TERT: variants seen among roughly 807,000 people sequenced by gnomAD.
The protein encoded by TERT is telomerase catalytic subunit.
In TERT, 42 loss-of-function variants were observed where a neutral mutation model predicts 104.0. The observed-to-expected ratio is 0.40, with a 90% confidence interval of 0.32 to 0.52. The LOEUF (loss-of-function observed/expected upper bound fraction) is 0.52, where lower values mean the gene tolerates loss of function less well. TERT is among the 20% of genes least tolerant of loss of function. The pLI is 0.43. For synonymous variants in TERT, 781 were observed against 725.6 expected (o/e 1.08, Z -1.23); for missense variants, 1,101 against 1,610.3 (o/e 0.68, Z 5.41).
chr5:1,283,924 C>A (rs1236963353), intron 2 of TERT, among the ~76,000 whole-genome samples: 4 of 150,210 alleles, frequency 2.7e-5, no homozygotes, highest in African/African-American at 9.8e-5. Context: ...CTGCAGCAAC[C>A]GGACACTGCA....
In TERT at chr5:1,280,323, C is replaced by T. The variant is rs765708956; in HGVS notation, c.1785G>A (p.Arg595=). Residue 595 remains arginine (R), a synonymous_variant, in exon 4 of 16, where the codon AGG becomes AGA. Transcript: ENST00000310581. ...CTTCCGACAGCTCCCGCAGCTGCAC[C>T]CTCTTCAAGTGCTGTCTGCAATAGA... ...QSIGIRQHLK[R]VQLRELSEAE... is the part of the protein sequence containing the mutation. 3.8e-5 allele frequency: 61 copies of T among 1,613,168 alleles called. No individual in the cohort carries two copies. In the East Asian group the frequency reaches 1.3e-3, roughly 35 times the overall value.
chr5:1,292,420 T>A lies in TERT; in HGVS notation c.1573+893A>T, dbSNP rs998449593. Among the ~76,000 whole-genome samples the A allele has an allele frequency of 1.3e-5, 2 of 152,202 alleles. No homozygotes were observed. Among genetic ancestry groups the A allele is most frequent in the African/African-American group, 4.8e-5 (2 of 41,450 alleles). On this transcript the variant is annotated intron_variant, in intron 2 of 15. Coordinates refer to ENST00000310581, the MANE Select transcript of TERT (RefSeq NM_198253.3). The surrounding 1 kb of genome is among the most constrained non-coding windows in gnomAD (Gnocchi z 5.5). ...AGCCATCTGCTGTCCTCTGCTCCCA[T>A]GTGGCCCTCTTCATACCTAAAGATG...
At chr5:1,272,415 G>T (rs1308720278) in intron 6 of TERT, 135 bp from the exon 7 acceptor site, 12 of 861,152 alleles carry the variant, frequency 1.4e-5, no homozygotes, top group Non-Finnish European at 2.3e-5. Flanking sequence ...GAGCGCCTGG[G>T]AAGCTTCTGT....
chr5:1,263,566 G>A lies in TERT; in HGVS notation c.2843+838C>T, dbSNP rs2126592453. On this transcript the variant is annotated intron_variant, in intron 11 of 15. Transcript: ENST00000310581. The surrounding 1 kb of genome is among the most constrained non-coding windows in gnomAD (Gnocchi z 5.3). Reference sequence around the variant, plus strand: ...CTACAGGCGTGTGCCACCAGGCCAGGCTAATTTTTGTATTTTTTAAGTAGA... The same window carrying A: ...CTACAGGCGTGTGCCACCAGGCCAGACTAATTTTTGTATTTTTTAAGTAGA... Among the ~76,000 whole-genome samples, 1 of 152,298 alleles carries A rather than the reference G, an allele frequency of 6.6e-6. No individual in the cohort carries two copies. The highest frequency in any genetic ancestry group is 2.4e-5 in the African/African-American group (1 of 41,566).
rs1165709007 is a variant in TERT, at chr5:1,288,873, A to C, written c.1573+4440T>G. Among the ~76,000 whole-genome samples, 2 of 152,158 alleles carry C rather than the reference A, an allele frequency of 1.3e-5. No individual in the cohort carries two copies. Among genetic ancestry groups the C allele is most frequent in the Non-Finnish European group, 2.9e-5 (2 of 68,012 alleles). Reference sequence around the variant, plus strand: ...GTGGCTGCAGTGCCTGGCACGCGGGAGGCGAGAGCCTGCAGTCCCGTGTCC... The same window carrying C: ...GTGGCTGCAGTGCCTGGCACGCGGGCGGCGAGAGCCTGCAGTCCCGTGTCC... On this transcript the variant is annotated intron_variant, in intron 2 of 15. Coordinates refer to ENST00000310581, the MANE Select transcript of TERT (RefSeq NM_198253.3). The surrounding 1 kb of genome is among the most constrained non-coding windows in gnomAD (Gnocchi z 5.3).
chr5:1,257,752 G>A lies in TERT; in HGVS notation c.3032+846C>T, dbSNP rs551995065. Among the ~76,000 whole-genome samples the A allele has an allele frequency of 4.6e-5, 7 of 152,344 alleles. No homozygotes were observed. Among genetic ancestry groups the A allele is most frequent in the Non-Finnish European group, 1.0e-4 (7 of 68,036 alleles). ...CCCTTGCTGGGTTTCCACGATAGAC[G>A]ACGACCTCATTTCACATCAAGTGTG... On this transcript the variant is annotated intron_variant, in intron 13 of 15. Transcript: ENST00000310581. This position sits in a 1 kb window ranked among gnomAD's most constrained non-coding sequence, Gnocchi z 5.6.
At chr5:1,264,712 G>A in intron 10 of TERT, 120 bp from the exon 11 acceptor site, 1 of 1,212,842 alleles carries the variant, frequency 8.2e-7, no homozygotes, top group Non-Finnish European at 1.2e-6. Flanking sequence ...GCAGGGTGCT[G>A]GGCCTGGCAG....
chr5:1,270,117 T>C lies in TERT; in HGVS notation c.2468+1002A>G, dbSNP rs557155459. ...CCGCTTACACACATGTGCACACGTG[T>C]CCCTCGGCCAAAATTCACTCTGCTG... On this transcript the variant is annotated intron_variant, in intron 8 of 15. Coordinates refer to ENST00000310581, the MANE Select transcript of TERT (RefSeq NM_198253.3). This position sits in a 1 kb window ranked among gnomAD's most constrained non-coding sequence, Gnocchi z 8.3. Among the ~76,000 whole-genome samples the C allele has an allele frequency of 2.0e-5, 3 of 152,280 alleles. No individual in the cohort carries two copies. Among genetic ancestry groups the C allele is most frequent in the Admixed American group, 2.0e-4 (3 of 15,298 alleles).
intron 2 of TERT, among the ~76,000 whole-genome samples, chr5:1,285,565 A>ATTTTTTTTTTTTTTTTTTT (rs1170336173): frequency 2.4e-5 from 2 of 82,184 alleles, no homozygotes; most frequent in Non-Finnish European, 4.3e-5. Context: ...GGCTACTAGA[A>ATTTTTTTTTTTTTTTTTTT]TTTTTTTTTT....
Position 1,286,004 on chromosome 5 carries a change from G to C in TERT, c.1574-3380C>G, listed in dbSNP as rs1193078412. ...TCCCCCGCCAGGCAGCACCGTCAGAGCTGGCGCCACACCGCAGGTTTGCGC... is the reference window on the plus strand; with the variant it reads ...TCCCCCGCCAGGCAGCACCGTCAGACCTGGCGCCACACCGCAGGTTTGCGC... On this transcript the variant is annotated intron_variant, in intron 2 of 15. Transcript: ENST00000310581. The surrounding 1 kb of genome is among the most constrained non-coding windows in gnomAD (Gnocchi z 5.3). Among the ~76,000 whole-genome samples, 1 of 152,106 alleles carries C rather than the reference G, an allele frequency of 6.6e-6. No individual in the cohort carries two copies. The highest frequency in any genetic ancestry group is 1.9e-4 in the East Asian group (1 of 5,170).
At chr5:1,272,588 C>CTGT (rs1749148457) in intron 6 of TERT, among the ~76,000 whole-genome samples, 2 of 62,374 alleles carry the variant, frequency 3.2e-5, no homozygotes, top group Non-Finnish European at 3.2e-5. Context: ...TCAGACCCTA[C>CTGT]GACCGCCATC....
At chr5:1,275,141 G>A (rs1321821614) in intron 6 of TERT, among the ~76,000 whole-genome samples, 4 of 152,184 alleles carry the variant, frequency 2.6e-5, no homozygotes, top group Admixed American at 1.3e-4. Context: ...TTGGGAGGCC[G>A]AGGTGGGAGG....
At chr5:1,283,514 ACCGCAGGGC>A in intron 2 of TERT, among the ~76,000 whole-genome samples, 1 of 146,724 alleles carries the variant, frequency 6.8e-6, no homozygotes, top group Non-Finnish European at 1.5e-5. Flanking sequence ...TATCCAGCTA[ACCGCAGGGC>A]CTGGCGACCT....
chr5:1,293,971 C>CCT lies in TERT; in HGVS notation c.914_915insAG (p.Pro307AlafsTer45). On this transcript the variant is annotated frameshift_variant, in exon 2 of 16. Transcript: ENST00000310581. LOFTEE classifies it high-confidence loss of function. ...GTGGCCGCGATGTGGATGGGGGGCC[C>CCT]GCGTGGTGCTGGCGGCCCACGGATG... The CCT allele has an allele frequency of 6.4e-7, 1 of 1,558,148 alleles. No individual in the cohort carries two copies. The highest frequency in any genetic ancestry group is 8.7e-7 in the Non-Finnish European group (1 of 1,154,984).
intron 2 of TERT, among the ~76,000 whole-genome samples, chr5:1,283,175 A>G (rs1339459280): frequency 2.7e-3 from 231 of 84,856 alleles, no homozygotes; most frequent in Middle Eastern, 0.023. Context: ...ACCTCACCCC[A>G]GACCTGCACC....
In TERT at chr5:1,293,646, G is replaced by A. The variant is rs2126685248; in HGVS notation, c.1240C>T (p.Pro414Ser). ...GCTGGGGTGACCGCAGCTCGCAGCG[G>A]GCAGTGCGTCTTGAGGAGCACCCCG... ...PYGVLLKTHC[P>S]LRAAVTPAAG... is the part of the protein sequence containing the mutation. The change falls in exon 2 of 16, where the codon CCG becomes TCG. Residue 414 changes from proline (P) to serine (S), a missense_variant. Around this residue, in one of 5 missense-constraint regions of TERT, gnomAD observed 504 missense variants for 544.6 expected, o/e 0.93. Coordinates refer to ENST00000310581, the MANE Select transcript of TERT (RefSeq NM_198253.3). 6.4e-7 allele frequency: 1 copy of A among 1,559,494 alleles called. No individual in the cohort carries two copies. Among genetic ancestry groups the A allele is most frequent in the South Asian group, 1.2e-5 (1 of 84,742 alleles).
In TERT at chr5:1,265,512, G is replaced by A; in HGVS notation, c.2655-920C>T. 6.6e-6 allele frequency among the ~76,000 whole-genome samples: 1 copy of A among 152,114 alleles called. No homozygotes were observed. The highest frequency in any genetic ancestry group is 1.9e-4 in the East Asian group (1 of 5,174). On this transcript the variant is annotated intron_variant, in intron 10 of 15. Transcript: ENST00000310581. The surrounding 1 kb of genome is among the most constrained non-coding windows in gnomAD (Gnocchi z 6.9). ...TGCTCTGTCCCCTCAGCAGCCTCAG[G>A]ACTCCTGAGCCCTCAGTTGCTTGGG...
chr5:1,293,447 G>C lies in TERT; in HGVS notation c.1439C>G (p.Ser480Cys), dbSNP rs776712013. 6.2e-6 allele frequency: 10 copies of C among 1,611,196 alleles called. No individual in the cohort carries two copies. Among genetic ancestry groups the C allele is most frequent in the East Asian group, 2.2e-5 (1 of 44,782 alleles). Reference sequence around the variant, plus strand: ...GAGGAAGCGGCGTTCGTTGTGCCTGGAGCCCCAGAGGCCTGGGGGCACCAG... The same window carrying C: ...GAGGAAGCGGCGTTCGTTGTGCCTGCAGCCCCAGAGGCCTGGGGGCACCAG... Reference protein sequence around the residue: ...RRLVPPGLWGSRHNERRFLRN... With the variant: ...RRLVPPGLWGCRHNERRFLRN... Residue 480 changes from serine (S) to cysteine (C), a missense_variant, in exon 2 of 16, where the codon TCC becomes TGC. By Grantham distance (112) the Ser-to-Cys change is moderately radical. Coordinates refer to ENST00000310581, the MANE Select transcript of TERT (RefSeq NM_198253.3).
rs1748515309 is a variant in TERT at position 1,265,344 on chromosome 5, C to T, written c.2655-752G>A. On this transcript the variant is annotated intron_variant, in intron 10 of 15. Coordinates refer to ENST00000310581, the MANE Select transcript of TERT (RefSeq NM_198253.3). This position sits in a 1 kb window ranked among gnomAD's most constrained non-coding sequence, Gnocchi z 6.9. Reference sequence around the variant, plus strand: ...GCTCCCCTGGTGCATTCCCAGCTCCCTGTGGCCACCCCTTCCTGTTACATG... The same window carrying T: ...GCTCCCCTGGTGCATTCCCAGCTCCTTGTGGCCACCCCTTCCTGTTACATG... Among the ~76,000 whole-genome samples the T allele has an allele frequency of 6.6e-6, 1 of 152,194 alleles. No homozygotes were observed. Among genetic ancestry groups the T allele is most frequent in the African/African-American group, 2.4e-5 (1 of 41,432 alleles).
Sources: gnomAD v4.1 joint callset for allele counts (sites outside exome capture counted in the v4.1 genomes callset) on GRCh38, gnomAD v4.1.1 for gene constraint, gnomAD v4.1.1 regional missense constraint, Gnocchi (gnomAD v3.1) non-coding constraint, MANE v1.5 for transcripts, NCBI Gene and HGNC (gene_info 2026-07-23, HGNC 2026-07-21) for gene names.